Variants in SNX24 observed in about 807,000 individuals in gnomAD.
The protein encoded by SNX24 is sorting nexin 24, also known as sorting nexin-24.
SNX24 carries 22 observed loss-of-function variants against 28.7 expected under a neutral mutation model. That is an observed-to-expected ratio of 0.77 (90% CI 0.55 to 1.10). The LOEUF (loss-of-function observed/expected upper bound fraction) is 1.10, where lower values mean the gene tolerates loss of function less well. Among genes scored for constraint, SNX24 ranks in the 50% least tolerant of loss-of-function variants. The pLI is 0.00. For missense variants in SNX24, 221 were observed against 201.1 expected (o/e 1.10, Z -0.60); for synonymous variants, 69 against 71.5 (o/e 0.96, Z 0.18).
chr5:122,862,176 G>A (rs1021723009), intron 1 of SNX24, among the ~76,000 whole-genome samples: 2 of 152,172 alleles, frequency 1.3e-5, no homozygotes, highest in South Asian at 4.1e-4. Flanking sequence ...TGGGGTTGGA[G>A]CTTAAAGAAT....
chr5:122,992,822 A>C (rs1222372671), intron 3 of SNX24, among the ~76,000 whole-genome samples: 1 of 152,244 alleles, frequency 6.6e-6, no homozygotes, highest in Non-Finnish European at 1.5e-5. Flanking sequence ...GGTGCTAAAC[A>C]AATACTTCTA....
chr5:123,022,997 C>G (rs1762784757), intron 5 of SNX24, among the ~76,000 whole-genome samples: 1 of 152,116 alleles, frequency 6.6e-6, no homozygotes, highest in South Asian at 2.1e-4. Context: ...GACAGGGTCT[C>G]ACTATGTTGC....
chr5:123,024,373 A>G lies in SNX24; in HGVS notation n.384-4865A>G, dbSNP rs888634973. 4.6e-5 allele frequency among the ~76,000 whole-genome samples: 7 copies of G among 152,214 alleles called. 1 individual carries two copies. The highest frequency in any genetic ancestry group is 1.4e-4 in the African/African-American group (6 of 41,444). ...GGTATAAGCCAGCGTAACAGTTAAC[A>G]TGAAGTCTGAGTCAGTTTCAGCTCC... On this transcript the variant is annotated intron_variant and non_coding_transcript_variant, in intron 5 of 5. Coordinates refer to the SNX24 transcript ENST00000502387.
chr5:122,907,199 A>G, intron 1 of SNX24, among the ~76,000 whole-genome samples: 1 of 152,218 alleles, frequency 6.6e-6, no homozygotes, highest in East Asian at 1.9e-4. Context: ...TAATTTTAAA[A>G]TGAGTATTTC....
At chr5:123,016,424 A>G (rs1762679933) in intron 5 of SNX24, among the ~76,000 whole-genome samples, 1 of 152,214 alleles carries the variant, frequency 6.6e-6, no homozygotes, top group African/African-American at 2.4e-5. Context: ...AAGGAAAGCC[A>G]GTGAGCCTGG....
At chr5:122,869,066 A>C (rs1459650320) in intron 1 of SNX24, among the ~76,000 whole-genome samples, 2 of 152,228 alleles carry the variant, frequency 1.3e-5, no homozygotes, top group Non-Finnish European at 2.9e-5. Flanking sequence ...AAAGTGTGCA[A>C]CCAAATTTTT....
intron 1 of SNX24, among the ~76,000 whole-genome samples, chr5:122,876,638 C>G (rs1407352822): frequency 6.6e-6 from 1 of 152,126 alleles, no homozygotes; most frequent in Non-Finnish European, 1.5e-5. Flanking sequence ...GATTCTATAC[C>G]TCAAGGAGTT....
At chr5:122,956,365 T>C (rs1365730681) in intron 3 of SNX24, among the ~76,000 whole-genome samples, 1 of 61,400 alleles carries the variant, frequency 1.6e-5, no homozygotes, top group African/African-American at 8.2e-5. Context: ...AAAAAAAATA[T>C]ATACACACAC....
intron 1 of SNX24, among the ~76,000 whole-genome samples, chr5:122,879,750 G>A (rs1282911174): frequency 6.6e-6 from 1 of 152,052 alleles, no homozygotes; most frequent in African/African-American, 2.4e-5. Context: ...TAAACTCCTG[G>A]GCTCAAGTGA....
intron 5 of SNX24, among the ~76,000 whole-genome samples, chr5:123,021,672 A>G (rs1762764875): frequency 6.6e-6 from 1 of 152,160 alleles, no homozygotes; most frequent in Admixed American, 6.5e-5. Context: ...GCATCACATC[A>G]TGCCCCTCCG....
chr5:122,931,430 A>G lies in SNX24; in HGVS notation c.61-5304A>G, dbSNP rs544954783. 3.5e-4 allele frequency among the ~76,000 whole-genome samples: 54 copies of G among 152,310 alleles called. No individual in the cohort carries two copies. The South Asian group carries it at 3.7e-3, about 11-fold the overall frequency. ...TACCTGAATTAATACCCTGCTGAGCACCTGACAATAGGCACACAAGAAATG... is the reference window on the plus strand; with the variant it reads ...TACCTGAATTAATACCCTGCTGAGCGCCTGACAATAGGCACACAAGAAATG... On this transcript the variant is annotated intron_variant, in intron 1 of 6. Transcript: ENST00000261369.
intron 2 of SNX24, among the ~76,000 whole-genome samples, chr5:122,945,737 T>A (rs1208928871): frequency 1.3e-5 from 2 of 152,242 alleles, no homozygotes; most frequent in Non-Finnish European, 2.9e-5. Context: ...TTGATTTTTG[T>A]AACTAAATTT....
At chr5:122,919,858 G>A (rs1467569180) in intron 1 of SNX24, among the ~76,000 whole-genome samples, 2 of 152,104 alleles carry the variant, frequency 1.3e-5, no homozygotes, top group East Asian at 1.9e-4. Context: ...CCCATACTGT[G>A]GAGGCACAGG....
At chr5:122,907,585 C>G (rs1650608808) in intron 1 of SNX24, among the ~76,000 whole-genome samples, 1 of 152,170 alleles carries the variant, frequency 6.6e-6, no homozygotes, top group Non-Finnish European at 1.5e-5. Flanking sequence ...CTATTCCAGA[C>G]ATGTACTAAT....
At chr5:122,980,999 A>C (rs1203151564) in intron 3 of SNX24, among the ~76,000 whole-genome samples, 5 of 152,128 alleles carry the variant, frequency 3.3e-5, no homozygotes, top group Non-Finnish European at 1.5e-5. Context: ...CTTAAAGTGC[A>C]GATGATATCG....
At chr5:122,880,050 T>A (rs1010354676) in intron 1 of SNX24, among the ~76,000 whole-genome samples, 1 of 152,170 alleles carries the variant, frequency 6.6e-6, no homozygotes, top group Non-Finnish European at 1.5e-5. Flanking sequence ...AATGTTGAAG[T>A]CTGAGTTTAA....
chr5:122,886,061 G>A (rs576888913), intron 1 of SNX24, among the ~76,000 whole-genome samples: 24 of 152,312 alleles, frequency 1.6e-4, no homozygotes, highest in African/African-American at 5.8e-4. Flanking sequence ...CTGTGCTAGA[G>A]GACAGGGACA....
intron 1 of SNX24, among the ~76,000 whole-genome samples, chr5:122,863,007 A>T (rs1755546228): frequency 6.6e-6 from 1 of 152,218 alleles, no homozygotes; most frequent in Non-Finnish European, 1.5e-5. Flanking sequence ...CTACCTATTA[A>T]GTGGCAGGCA....
intron 1 of SNX24, among the ~76,000 whole-genome samples, chr5:122,935,450 G>T (rs1487058236): frequency 3.3e-5 from 5 of 151,960 alleles, no homozygotes; most frequent in African/African-American, 4.8e-5. Flanking sequence ...ATTTCTAATA[G>T]TTCACCAAAG....
Sources: allele counts gnomAD v4.1 joint callset (sites outside exome capture counted in the v4.1 genomes callset), GRCh38; gene constraint gnomAD v4.1.1; transcripts MANE v1.5; gene names NCBI Gene and HGNC (gene_info 2026-07-23, HGNC 2026-07-21).